ADGRG3: variants seen among roughly 807,000 people sequenced by gnomAD.
ADGRG3 encodes adhesion G protein-coupled receptor G3.
Under a neutral mutation model 54.3 loss-of-function variants are expected in ADGRG3, and 39 were observed. The observed-to-expected ratio is 0.72, with a 90% CI of 0.56 to 0.94. The LOEUF is 0.94. Ranked by LOEUF, ADGRG3 falls within the 40% of genes least tolerant of loss-of-function variation. The pLI is 0.00. For missense variants in ADGRG3, 654 were observed against 694.6 expected, an observed-to-expected ratio of 0.94 and a Z score of 0.66; for synonymous variants, 312 against 290.0, an observed-to-expected ratio of 1.08 and a Z score of -0.77.
At chr16:57,683,849 A>C in intron 8 of ADGRG3, 83 bp from the exon 9 acceptor site, 1 of 1,128,710 alleles carries the variant, frequency 8.9e-7, no homozygotes, top group Non-Finnish European at 1.3e-6. Context: ...GCCATAGGCT[A>C]TTGGGGTGGA....
intron 3 of ADGRG3, among the ~76,000 whole-genome samples, chr16:57,677,827 C>T (rs2048290958): frequency 6.6e-6 from 1 of 152,222 alleles, no homozygotes. Flanking sequence ...TGTGTAAACA[C>T]TGGGACTGTT....
intron 8 of ADGRG3, among the ~76,000 whole-genome samples, chr16:57,682,136 G>A (rs1007609414): frequency 6.6e-6 from 1 of 152,218 alleles, no homozygotes. Context: ...ACCTGGGGCT[G>A]TGTCCAGAAG....
intron 5 of ADGRG3, 51 bp from the exon 6 acceptor site, chr16:57,679,765 T>TC: frequency 6.8e-7 from 1 of 1,470,826 alleles, no homozygotes; most frequent in Non-Finnish European, 9.5e-7. Context: ...TCCCCTGCCC[T>TC]CCCCCAAACT....
chr16:57,675,350 G>A (rs2048243531), intron 2 of ADGRG3, among the ~76,000 whole-genome samples: 1 of 152,038 alleles, frequency 6.6e-6, no homozygotes, highest in Admixed American at 6.5e-5. Context: ...AGGGCCAGGT[G>A]CAGTGGGTTC....
chr16:57,668,960 TCACA>T (rs1227134020), intron 1 of ADGRG3, among the ~76,000 whole-genome samples: 7 of 152,212 alleles, frequency 4.6e-5, no homozygotes, highest in Non-Finnish European at 7.4e-5. Flanking sequence ...CTCTCCCGTC[TCACA>T]CACAAACACA....
In ADGRG3 at chr16:57,688,662, T is replaced by A; in HGVS notation, c.*201T>A. 1 of 576,230 alleles carries A rather than the reference T, an allele frequency of 1.7e-6. No individual in the cohort carries two copies. 35.7% of individuals were successfully genotyped at this position (576,230 alleles called of 1,614,324 possible). A position where few individuals can be genotyped will look rare whatever the true frequency, so the allele number is the denominator to read the frequency against. ...AGGTCCAAGAGTCCACGTAAGCAGG[T>A]TTGCAAGGCTCTAAAGTTCCTATAG... On this transcript the variant is annotated 3_prime_UTR_variant, in exon 12 of 12. Transcript: ENST00000333493.
At chr16:57,674,750 G>A (rs943889564) in intron 2 of ADGRG3, 12 of 222,910 alleles carry the variant, frequency 5.4e-5, no homozygotes, top group African/African-American at 7.0e-5. Context: ...TTGGGAGGCC[G>A]AGGTGGGCAG....
Position 57,685,672 on chromosome 16 carries a change from A to G in ADGRG3, c.1286A>G (p.Tyr429Cys). 1.2e-6 allele frequency: 2 copies of G among 1,614,130 alleles called. No individual in the cohort carries two copies. Among genetic ancestry groups the G allele is most frequent in the Non-Finnish European group, 1.7e-6 (2 of 1,180,010 alleles). Residue 429 changes from tyrosine to cysteine, a missense_variant, in exon 11 of 12, where the codon TAC becomes TGC. Coordinates refer to ENST00000333493, the MANE Select transcript of ADGRG3 (RefSeq NM_170776.5). ...TGGTTCCGTGAAGGGACAACCATGT[A>G]CGCCCTCTATATCACCGTCCACGGC... is the stretch of plus-strand genomic sequence containing the variant. Reference protein sequence around the residue: ...LCWFREGTTMYALYITVHGYF... With the variant: ...LCWFREGTTMCALYITVHGYF...
intron 8 of ADGRG3, among the ~76,000 whole-genome samples, chr16:57,683,057 C>T (rs141279792): frequency 6.6e-6 from 1 of 152,344 alleles, no homozygotes; most frequent in African/African-American, 2.4e-5. Flanking sequence ...CAGAAGGAAA[C>T]CTCCAAGGGG....
At chr16:57,679,113 C>G in intron 4 of ADGRG3, 64 bp from the exon 5 acceptor site, 1 of 1,594,978 alleles carries the variant, frequency 6.3e-7, no homozygotes, top group East Asian at 2.2e-5. Context: ...CCTAGGAACC[C>G]CAGCGTTGGT....
chr16:57,688,751 C>G lies in ADGRG3; in HGVS notation c.*290C>G. 1 of 331,990 alleles carries G rather than the reference C, an allele frequency of 3.0e-6. No individual in the cohort carries two copies. The highest frequency in any genetic ancestry group is 4.3e-5 in the South Asian group (1 of 23,434). 20.6% of individuals were successfully genotyped at this position (331,990 alleles called of 1,614,324 possible). ...CCATGCCCTGCCCTCATTGCAAAGCCCTCACTCACCTTCTGGTCTCAGCAA... is the reference window on the plus strand; with the variant it reads ...CCATGCCCTGCCCTCATTGCAAAGCGCTCACTCACCTTCTGGTCTCAGCAA... On this transcript the variant is annotated 3_prime_UTR_variant, in exon 12 of 12. Transcript: ENST00000333493.
intron 8 of ADGRG3, among the ~76,000 whole-genome samples, chr16:57,683,356 C>T (rs1347948389): frequency 6.6e-6 from 1 of 152,220 alleles, no homozygotes; most frequent in Non-Finnish European, 1.5e-5. Context: ...GCATGATATG[C>T]AGCCCATATG....
At chr16:57,676,466 C>A in intron 3 of ADGRG3, 128 bp downstream of exon 3, 2 of 823,126 alleles carry the variant, frequency 2.4e-6, no homozygotes, top group Non-Finnish European at 1.9e-6. Context: ...TCCCAATTGG[C>A]AGAGCTGCGT....
rs56288453 is a variant in ADGRG3, at chr16:57,668,320, C to T, written c.-28C>T. 8.8e-3 allele frequency: 13,578 copies of T among 1,550,168 alleles called. 1,034 individuals are homozygous for T. The African/African-American group carries it at 0.16, about 18-fold the overall frequency. The stretch of plus-strand genomic sequence containing the variant: ...GCCAGAGGGCCAGACAGCCACAGAG[C>T]TCCTGGCGTGGGCAAGGCTGGCCAA... On this transcript the variant is annotated 5_prime_UTR_variant, in exon 1 of 12. Transcript: ENST00000333493.
chr16:57,686,274 G>T (rs1211069557), intron 11 of ADGRG3, among the ~76,000 whole-genome samples: 1 of 152,168 alleles, frequency 6.6e-6, no homozygotes, highest in Non-Finnish European at 1.5e-5. Flanking sequence ...AGATAAAGGG[G>T]AGCCAGCGTA....
chr16:57,679,423 C>T, intron 5 of ADGRG3, 112 bp downstream of exon 5: 1 of 1,217,922 alleles, frequency 8.2e-7, no homozygotes, highest in South Asian at 1.3e-5. Context: ...TACCCTTCCA[C>T]AGTCGCCCAG....
intron 8 of ADGRG3, among the ~76,000 whole-genome samples, chr16:57,680,906 A>G (rs2048355905): frequency 6.6e-6 from 1 of 152,234 alleles, no homozygotes; most frequent in Admixed American, 6.5e-5. Context: ...CCCAAGGTGC[A>G]TGGACTTCTG....
chr16:57,674,995 C>CAAAAAAAAAAA (rs34536208), intron 2 of ADGRG3, among the ~76,000 whole-genome samples: 1 of 48,946 alleles, frequency 2.0e-5, no homozygotes, highest in Admixed American at 2.9e-4. Context: ...GACTCCATCT[C>CAAAAAAAAAAA]AAAAAAAAAA....
rs754349428 is a variant in ADGRG3 at position 57,685,773 on chromosome 16, G to A, written c.1387G>A (p.Ala463Thr). 1 of 1,614,150 alleles carries A rather than the reference G, an allele frequency of 6.2e-7. No homozygotes were observed. The highest frequency in any genetic ancestry group is 1.3e-5 in the African/African-American group (1 of 75,004). The change falls in exon 11 of 12, where the codon GCT becomes ACT. Residue 463 changes from alanine to threonine, a missense_variant. Ala to Thr is a moderately conservative substitution (Grantham distance 58). Transcript: ENST00000333493. ...CTGGAAGATCTTCACCCTGTCCCGTGCTACAGCGGTCAAGGAGCGGGGGAA... is the reference window on the plus strand; with the variant it reads ...CTGGAAGATCTTCACCCTGTCCCGTACTACAGCGGTCAAGGAGCGGGGGAA... ...VVWKIFTLSR[A>T]TAVKERGKNR...
Sources: allele counts gnomAD v4.1 joint callset (sites outside exome capture counted in the v4.1 genomes callset), GRCh38; gene constraint gnomAD v4.1.1; transcripts MANE v1.5; gene names NCBI Gene and HGNC (gene_info 2026-07-23, HGNC 2026-07-21).